HK1: variants seen among roughly 807,000 people sequenced by gnomAD.
The protein encoded by HK1 is hexokinase-1.
A neutral mutation model predicts 91.6 loss-of-function variants in HK1; 28 were observed. The observed-to-expected ratio is 0.31, with a 90% confidence interval of 0.23 to 0.42. The LOEUF (loss-of-function observed/expected upper bound fraction) is 0.42, where lower values mean the gene tolerates loss of function less well. HK1 is among the 10% of genes least tolerant of loss of function. HK1 has a pLI of 1.00. For synonymous variants in HK1, 430 were observed against 468.1 expected (o/e 0.92, Z 1.05); for missense variants, 770 against 1,219.8 (o/e 0.63, Z 5.49).
chr10:69,316,833 G>T (rs1846671738), upstream of HK1, among the ~76,000 whole-genome samples: 1 of 152,204 alleles, frequency 6.6e-6, no homozygotes, highest in African/African-American at 2.4e-5. Flanking sequence ...GCAAAACATA[G>T]TCCTCCATCC....
In HK1 at chr10:69,368,608, A is replaced by C; in HGVS notation, c.568A>C (p.Asn190His). Reference protein sequence around the residue: ...VEGADVVKLLNKAIKKRGDYD... With the variant: ...VEGADVVKLLHKAIKKRGDYD... ...AGGAGCAGATGTGGTCAAACTGCTT[A>C]ACAAAGCCATCAAAAAGCGAGGGGT... The change falls in exon 5 of 18, where the codon AAC (asparagine) becomes CAC (histidine). Residue 190 changes from asparagine (N) to histidine (H), a missense_variant. By Grantham distance (68) the Asn-to-His change is moderately conservative (BLOSUM62 1). Around this residue, in one of 7 missense-constraint regions of HK1, gnomAD observed 449 missense variants for 665.1 expected, o/e 0.68. Coordinates refer to ENST00000359426, the MANE Select transcript of HK1 (RefSeq NM_000188.3). 6.2e-7 allele frequency: 1 copy of C among 1,614,076 alleles called. No individual in the cohort carries two copies. The highest frequency in any genetic ancestry group is 1.1e-5 in the South Asian group (1 of 91,086).
At chr10:69,390,077 A>G (rs1839827761) in intron 14 of HK1, among the ~76,000 whole-genome samples, 2 of 152,196 alleles carry the variant, frequency 1.3e-5, no homozygotes, top group Admixed American at 1.3e-4. Flanking sequence ...CTGAGTGTCT[A>G]GAGCTTGGGA....
rs1840238344 is a variant in HK1 at position 69,398,473 on chromosome 10, C to T, written c.2376-122C>T. ...TCCACAGTTTAACATGTAACACTTG[C>T]CCTTGACTCTGTCTGTGGATGAGTA... On this transcript the variant is annotated intron_variant, in intron 16 of 17. Transcript: ENST00000359426. 4.0e-5 allele frequency: 30 copies of T among 758,370 alleles called. No homozygotes were observed. The South Asian group carries it at 4.4e-4, about 11-fold the overall frequency. 47.0% of individuals were successfully genotyped at this position (758,370 alleles called of 1,614,324 possible). A position where few individuals can be genotyped will look rare whatever the true frequency, so the allele number is the denominator to read the frequency against.
intron 1 of HK1, among the ~76,000 whole-genome samples, chr10:69,322,159 C>CTTTCTAAAGGTCAGAATCT (rs1195836719): frequency 6.6e-6 from 1 of 152,178 alleles, no homozygotes; most frequent in Non-Finnish European, 1.5e-5. Flanking sequence ...CAGAACTTGG[C>CTTTCTAAAGGTCAGAATCT]TTCTAAAGAA....
chr10:69,384,937 T>C (rs1480750677), intron 12 of HK1, 22 bp downstream of exon 12: 4 of 1,614,036 alleles, frequency 2.5e-6, no homozygotes, highest in Non-Finnish European at 3.4e-6. Context: ...TTCTTAGGGC[T>C]CAGTGATCGG....
rs1839355976 is a variant in HK1 at position 69,380,936 on chromosome 10, T to C, written c.1265+841T>C. 6.6e-6 allele frequency among the ~76,000 whole-genome samples: 1 copy of C among 152,238 alleles called. No homozygotes were observed. Among genetic ancestry groups the C allele is most frequent in the Non-Finnish European group, 1.5e-5 (1 of 68,044 alleles). Reference sequence around the variant, plus strand: ...ACTGTACATATAAATACAATGTGCATGTGAAGCACCCATGTCAGTACTGCA... The same window carrying C: ...ACTGTACATATAAATACAATGTGCACGTGAAGCACCCATGTCAGTACTGCA... On this transcript the variant is annotated intron_variant, in intron 9 of 17. Transcript: ENST00000359426. This position sits in a 1 kb window ranked among gnomAD's most constrained non-coding sequence, Gnocchi z 4.0.
At chr10:69,280,534 G>T (rs1844694011) in intron 1 of HK1, among the ~76,000 whole-genome samples, 1 of 152,206 alleles carries the variant, frequency 6.6e-6, no homozygotes, top group African/African-American at 2.4e-5. Context: ...TCTCCGATAT[G>T]ATAATATTAG....
chr10:69,304,279 T>C (rs1846005003), intron 5 of HK1, among the ~76,000 whole-genome samples: 1 of 40,864 alleles, frequency 2.4e-5, no homozygotes, highest in Non-Finnish European at 6.3e-5. Context: ...ATTTTTATTA[T>C]TTATTTATTT....
chr10:69,314,616 T>C (rs1846544450), upstream of HK1, among the ~76,000 whole-genome samples: 1 of 152,108 alleles, frequency 6.6e-6, no homozygotes, highest in Non-Finnish European at 1.5e-5. Context: ...CAGCATTTTT[T>C]TCTTTTTTTC....
At chr10:69,393,440 G>A (rs1839999593) in intron 15 of HK1, among the ~76,000 whole-genome samples, 1 of 152,078 alleles carries the variant, frequency 6.6e-6, no homozygotes, top group Non-Finnish European at 1.5e-5. Context: ...GGGATTACAG[G>A]TGCACGGCAC....
intron 4 of HK1, among the ~76,000 whole-genome samples, chr10:69,296,050 A>T (rs1845548770): frequency 6.6e-6 from 1 of 152,158 alleles, no homozygotes; most frequent in Admixed American, 6.5e-5. Flanking sequence ...TCCATTTTAC[A>T]GTCAGGCATG....
intron 4 of HK1, among the ~76,000 whole-genome samples, chr10:69,298,947 T>TTTATTA (rs201767499): frequency 0.021 from 3,232 of 151,816 alleles, 199 homozygotes; most frequent in African/African-American, 0.073. Context: ...TCTTTATTTA[T>TTTATTA]TTATTTTTTG....
chr10:69,272,535 A>G (rs549244472), intron 1 of HK1, among the ~76,000 whole-genome samples: 1 of 152,156 alleles, frequency 6.6e-6, no homozygotes, highest in Non-Finnish European at 1.5e-5. Flanking sequence ...TACACAATAC[A>G]CAGTTCTAGT....
chr10:69,385,057 A>G (rs749107), intron 12 of HK1, 142 bp downstream of exon 12: 213,019 of 898,854 alleles, frequency 0.24, 26,116 homozygotes, highest in African/African-American at 0.31. Flanking sequence ...GCCAGGCTTT[A>G]TTTCACAGCC....
At chr10:69,304,962 A>G (rs1020418518) in intron 5 of HK1, among the ~76,000 whole-genome samples, 3 of 152,146 alleles carry the variant, frequency 2.0e-5, no homozygotes, top group African/African-American at 7.2e-5. Context: ...CTTGGAGAAG[A>G]AGACCCTCCC....
intron 1 of HK1, among the ~76,000 whole-genome samples, chr10:69,330,782 A>G (rs192221668): frequency 6.6e-6 from 1 of 152,158 alleles, no homozygotes; most frequent in African/African-American, 2.4e-5. Context: ...TCACTATTAG[A>G]TCATATCCCC....
chr10:69,275,615 G>A (rs950023657), intron 1 of HK1, among the ~76,000 whole-genome samples: 2 of 152,106 alleles, frequency 1.3e-5, no homozygotes, highest in Admixed American at 6.5e-5. Context: ...GTAAATGAAC[G>A]GGTATGGCTT....
chr10:69,342,113 AT>A (rs1848319874), intron 1 of HK1, among the ~76,000 whole-genome samples: 1 of 152,132 alleles, frequency 6.6e-6, no homozygotes, highest in Admixed American at 6.5e-5. Flanking sequence ...CTGCCACTGC[AT>A]TCCAGCCTGG....
At chr10:69,271,292 T>C (rs1180181814) in intron 1 of HK1, among the ~76,000 whole-genome samples, 1 of 152,106 alleles carries the variant, frequency 6.6e-6, no homozygotes, top group African/African-American at 2.4e-5. Flanking sequence ...ACAAGAAACC[T>C]TGTATTCTTT....
Sources: allele counts gnomAD v4.1 joint callset (sites outside exome capture counted in the v4.1 genomes callset), GRCh38; gene constraint gnomAD v4.1.1; regional missense constraint gnomAD v4.1.1; non-coding constraint Gnocchi (gnomAD v3.1); transcripts MANE v1.5; gene names NCBI Gene and HGNC (gene_info 2026-07-23, HGNC 2026-07-21).